The following UNC79 variants were observed in gnomAD, a reference collection of about 807,000 sequenced individuals.
The protein encoded by UNC79 is unc-79 subunit of NALCN channel complex.
In UNC79, 37 loss-of-function variants were observed where a neutral mutation model predicts 283.1. The observed-to-expected ratio is 0.13, with a 90% CI of 0.10 to 0.17. The LOEUF (loss-of-function observed/expected upper bound fraction) is 0.17. Among genes scored for constraint, UNC79 ranks in the 10% least tolerant of loss-of-function variants. The pLI is 1.00. For synonymous variants in UNC79, 1,107 were observed against 1,200.2 expected, an observed-to-expected ratio of 0.92 and a Z score of 1.61; for missense variants, 2,272 against 3,211.1, an observed-to-expected ratio of 0.71 and a Z score of 7.07.
chr14:93,412,386 G>A (rs959195179), intron 1 of UNC79, among the ~76,000 whole-genome samples: 2 of 151,912 alleles, frequency 1.3e-5, no homozygotes, highest in Non-Finnish European at 2.9e-5. Context: ...GGATAATAAC[G>A]AGAACTTCCC....
chr14:93,695,338 C>T (rs966655929), intron 47 of UNC79, among the ~76,000 whole-genome samples: 2 of 152,214 alleles, frequency 1.3e-5, no homozygotes, highest in Non-Finnish European at 2.9e-5. Flanking sequence ...GTCACATTCA[C>T]TCACACTATG....
chr14:93,611,049 C>T (rs1194015935), intron 26 of UNC79, among the ~76,000 whole-genome samples: 8 of 152,144 alleles, frequency 5.3e-5, no homozygotes, highest in Non-Finnish European at 1.2e-4. Flanking sequence ...CCTTTCTAGC[C>T]TCTCATTGAA....
intron 14 of UNC79, among the ~76,000 whole-genome samples, chr14:93,560,422 A>G (rs1215348862): frequency 6.6e-6 from 1 of 152,230 alleles, no homozygotes; most frequent in Non-Finnish European, 1.5e-5. Flanking sequence ...TAAAGAGTCA[A>G]CTTGGGCCTG....
Position 93,622,970 on chromosome 14 carries a change from T to C in UNC79, c.5608+129T>C, listed in dbSNP as rs899369844. On this transcript the variant is annotated intron_variant, in intron 30 of 48. Coordinates refer to ENST00000555664, the Ensembl canonical transcript of UNC79. ...TGTCAGGGTGTGACATTATAATGGC[T>C]TCTCAATCACTCTGAATCCTTCCTG... 27 of 1,240,582 alleles carry C rather than the reference T, an allele frequency of 2.2e-5. No homozygotes were observed. In the East Asian group the frequency reaches 3.1e-4, roughly 14 times the overall value. 76.8% of individuals were successfully genotyped at this position (1,240,582 alleles called of 1,614,324 possible).
intron 1 of UNC79, among the ~76,000 whole-genome samples, chr14:93,375,448 A>G (rs753232939): frequency 2.0e-4 from 30 of 152,230 alleles, no homozygotes; most frequent in Non-Finnish European, 4.3e-4. Flanking sequence ...TAATCCACCC[A>G]TGGATTAGTA....
At chr14:93,336,934 A>C (rs1170338996) in intron 1 of UNC79, among the ~76,000 whole-genome samples, 2 of 152,060 alleles carry the variant, frequency 1.3e-5, no homozygotes, top group Non-Finnish European at 2.9e-5. Flanking sequence ...TCCCTCATGA[A>C]TGGCTTCACA....
chr14:93,421,960 T>A (rs2055609981), intron 1 of UNC79, among the ~76,000 whole-genome samples: 1 of 151,676 alleles, frequency 6.6e-6, no homozygotes, highest in Non-Finnish European at 1.5e-5. Context: ...ATTCAACACC[T>A]CTTCATGATA....
At chr14:93,701,031 C>A (rs187817362) in intron 47 of UNC79, among the ~76,000 whole-genome samples, 1 of 152,208 alleles carries the variant, frequency 6.6e-6, no homozygotes, top group Non-Finnish European at 1.5e-5. Flanking sequence ...TCTCTCCTGT[C>A]CAGTACTCTA....
intron 31 of UNC79, among the ~76,000 whole-genome samples, chr14:93,635,198 G>A (rs1202298430): frequency 6.6e-6 from 1 of 152,150 alleles, no homozygotes; most frequent in African/African-American, 2.4e-5. Flanking sequence ...GCCATGACAT[G>A]TCTATTCTAA....
intron 29 of UNC79, among the ~76,000 whole-genome samples, chr14:93,620,656 A>T (rs1413604624): frequency 6.6e-6 from 1 of 152,168 alleles, no homozygotes; most frequent in African/African-American, 2.4e-5. Flanking sequence ...GCCTCTCCTT[A>T]AAAATGCTGC....
intron 1 of UNC79, chr14:93,437,265 A>G (rs2056119488): frequency 6.6e-6 from 1 of 152,182 alleles, no homozygotes; most frequent in Non-Finnish European, 1.5e-5. Context: ...GCTTGTGCCT[A>G]CTAGGTACTA....
chr14:93,447,735 A>C (rs1333354249), intron 1 of UNC79, among the ~76,000 whole-genome samples: 2 of 152,008 alleles, frequency 1.3e-5, no homozygotes, highest in Non-Finnish European at 1.5e-5. Context: ...TTTATTCTTG[A>C]ATAATATTTT....
intron 39 of UNC79, 137 bp downstream of exon 42, chr14:93,659,398 T>C (rs2071292184): frequency 1.5e-6 from 1 of 672,756 alleles, no homozygotes; most frequent in Non-Finnish European, 2.4e-6. Context: ...TTTTTCTTCA[T>C]GCTAGGTCAG....
At chr14:93,641,301 A>G in intron 33 of UNC79, 54 bp downstream of exon 36, 1 of 1,530,360 alleles carries the variant, frequency 6.5e-7, no homozygotes, top group Non-Finnish European at 8.9e-7. Context: ...AAGTTTGGTT[A>G]CCACAGTGGT....
chr14:93,650,813 A>G (rs2070168359), intron 35 of UNC79, among the ~76,000 whole-genome samples: 1 of 152,210 alleles, frequency 6.6e-6, no homozygotes. Context: ...AAAACAAAAC[A>G]TTACAATTAT....
At chr14:93,449,610 C>T (rs2056569687) in intron 1 of UNC79, among the ~76,000 whole-genome samples, 1 of 150,806 alleles carries the variant, frequency 6.6e-6, no homozygotes, top group Non-Finnish European at 1.5e-5. Context: ...AGAGCAAGAC[C>T]TTGTCTCTAA....
intron 39 of UNC79, among the ~76,000 whole-genome samples, chr14:93,661,675 T>C (rs926697510): frequency 6.6e-6 from 1 of 152,166 alleles, no homozygotes; most frequent in East Asian, 1.9e-4. Flanking sequence ...CTTCAGAAGG[T>C]TAATAATGAA....
intron 26 of UNC79, among the ~76,000 whole-genome samples, chr14:93,611,100 G>A (rs12323884): frequency 0.16 from 24,163 of 152,056 alleles, 2,093 homozygotes; most frequent in African/African-American, 0.2. Context: ...CCTGATGCAT[G>A]CCTAATAAGT....
chr14:93,368,558 T>A (rs1277088294), intron 1 of UNC79, among the ~76,000 whole-genome samples: 2 of 152,046 alleles, frequency 1.3e-5, no homozygotes, highest in Non-Finnish European at 2.9e-5. Context: ...CTGCAACCTG[T>A]CTCCTGGGTT....
Sources: allele counts gnomAD v4.1 joint callset (sites outside exome capture counted in the v4.1 genomes callset), GRCh38; gene constraint gnomAD v4.1.1; transcripts MANE v1.5; gene names NCBI Gene and HGNC (gene_info 2026-07-23, HGNC 2026-07-21).